The following GATA3 variants were observed in gnomAD, a reference collection of about 807,000 sequenced individuals.
The protein encoded by GATA3 is trans-acting T-cell-specific transcription factor GATA-3.
In GATA3, 6 loss-of-function variants were observed where a neutral mutation model predicts 36.0. That is an observed-to-expected ratio of 0.17 (90% CI 0.09 to 0.33). The LOEUF (loss-of-function observed/expected upper bound fraction) is 0.33, where lower values mean the gene tolerates loss of function less well. GATA3 is among the 10% of genes least tolerant of loss of function. The pLI, the probability that GATA3 is intolerant of heterozygous loss-of-function variation, is 1.00. For synonymous variants in GATA3, 326 were observed against 273.0 expected, an observed-to-expected ratio of 1.19 and a Z score of -1.92; for missense variants, 514 against 610.1, an observed-to-expected ratio of 0.84 and a Z score of 1.66.
In GATA3 at chr10:8,074,425, C is replaced by G. The variant is rs1832982330; in HGVS notation, c.*402C>G. ...AAATAGTGTGGAAATTAAGAAGAAA[C>G]TAGGTCTGATATTCAAATGGACAAA... On this transcript the variant is annotated 3_prime_UTR_variant, in exon 6 of 6. Coordinates refer to ENST00000379328, the MANE Select transcript of GATA3 (RefSeq NM_001002295.2). The G allele has an allele frequency of 4.0e-6, 1 of 251,394 alleles. No individual in the cohort carries two copies. The highest frequency in any genetic ancestry group is 7.6e-6 in the Non-Finnish European group (1 of 131,162). The allele number at this position is 251,394 out of a possible 1,614,324, so 15.6% of individuals were successfully genotyped here.
Position 8,055,403 on chromosome 10 carries a change from C to A in GATA3, c.-253C>A. ...TACAACCTGGTCCCGTTTTATTCTG[C>A]CGTACCCAGTTTTTGGATTTTTGTC... On this transcript the variant is annotated 5_prime_UTR_variant, in exon 2 of 6. Coordinates refer to ENST00000379328, the MANE Select transcript of GATA3 (RefSeq NM_001002295.2). This position sits in a 1 kb window ranked among gnomAD's most constrained non-coding sequence, Gnocchi z 5.4. The A allele has an allele frequency of 1.7e-6, 1 of 575,798 alleles. No individual in the cohort carries two copies. Among genetic ancestry groups the A allele is most frequent in the East Asian group, 2.9e-5 (1 of 34,152 alleles). The allele number at this position is 575,798 out of a possible 1,614,324, so 35.7% of individuals were successfully genotyped here.
intron 1 of GATA3, among the ~76,000 whole-genome samples, chr10:8,046,934 T>G (rs988966872): frequency 7.9e-5 from 12 of 151,958 alleles, no homozygotes; most frequent in African/African-American, 2.7e-4. Context: ...GCTTAGAAAA[T>G]GCGGAGCGGC....
At position 8,074,435 on chromosome 10, in the gene GATA3, T is replaced by C. The variant is rs1380642580; in HGVS notation, c.*412T>C. 18 of 247,190 alleles carry C rather than the reference T, an allele frequency of 7.3e-5. 1 individual carries two copies. Among genetic ancestry groups the C allele is most frequent in the Non-Finnish European group, 9.4e-5 (12 of 128,232 alleles). The allele number at this position is 247,190 out of a possible 1,614,324, so 15.3% of individuals were successfully genotyped here. ...GAAATTAAGAAGAAACTAGGTCTGA[T>C]ATTCAAATGGACAAACTGCCAGTTT... On this transcript the variant is annotated 3_prime_UTR_variant, in exon 6 of 6. Transcript: ENST00000379328.
intron 4 of GATA3, among the ~76,000 whole-genome samples, chr10:8,065,700 G>GTTTTTTT (rs748515966): frequency 2.4e-3 from 149 of 62,236 alleles, no homozygotes; most frequent in East Asian, 3.9e-3. Flanking sequence ...CAGCAGTTTG[G>GTTTTTTT]TTTTTTTTTT....
chr10:8,045,828 C>A (rs142673461), intron 1 of GATA3, among the ~76,000 whole-genome samples: 7 of 152,278 alleles, frequency 4.6e-5, no homozygotes, highest in Admixed American at 6.5e-5. Flanking sequence ...GCCGGAGACA[C>A]GTTTCCCACT....
rs1435459360 is a variant in GATA3, at chr10:8,055,216, G to A, written c.-369-71G>A. 1 of 266,624 alleles carries A rather than the reference G, an allele frequency of 3.8e-6. No homozygotes were observed. Among genetic ancestry groups the A allele is most frequent in the East Asian group, 6.1e-5 (1 of 16,316 alleles). The allele number at this position is 266,624 out of a possible 1,614,324, so 16.5% of individuals were successfully genotyped here. A position where few individuals can be genotyped will look rare whatever the true frequency, so the allele number is the denominator to read the frequency against. ...TCTCGGGTGCGCTGGGCGGGCGGGC[G>A]GCGCGAGGGGAGGTTGTGCCACTCC... is the stretch of plus-strand genomic sequence containing the variant. On this transcript the variant is annotated intron_variant, in intron 1 of 5. Transcript: ENST00000379328. This position sits in a 1 kb window ranked among gnomAD's most constrained non-coding sequence, Gnocchi z 5.4.
At position 8,058,802 on chromosome 10, in the gene GATA3, T is replaced by C. The variant is rs759396617; in HGVS notation, c.739T>C (p.Phe247Leu). ...CCTGCTGGGCGGCTCCCCCACCGGC[T>C]TCGGATGCAAGTCCAGGCCCAAGGC... ...SSLLGGSPTG[F>L]GCKSRPKARS... Residue 247 changes from phenylalanine to leucine, a missense_variant, in exon 3 of 6, where the codon TTC (phenylalanine) becomes CTC (leucine). Coordinates refer to ENST00000379328, the MANE Select transcript of GATA3 (RefSeq NM_001002295.2). The C allele has an allele frequency of 1.2e-6, 2 of 1,607,328 alleles. No individual in the cohort carries two copies. Among genetic ancestry groups the C allele is most frequent in the South Asian group, 2.2e-5 (2 of 91,056 alleles).
intron 5 of GATA3, among the ~76,000 whole-genome samples, chr10:8,072,821 A>G (rs1832951569): frequency 6.6e-6 from 1 of 152,144 alleles, no homozygotes; most frequent in Non-Finnish European, 1.5e-5. Flanking sequence ...ACTTGCAACC[A>G]TTGCAGCTGC....
upstream of GATA3, among the ~76,000 whole-genome samples, chr10:8,054,447 C>A (rs1354851470): frequency 1.3e-5 from 2 of 152,122 alleles, no homozygotes; most frequent in Non-Finnish European, 2.9e-5. This position sits in a 1 kb window ranked among gnomAD's most constrained non-coding sequence, Gnocchi z 4.2. Context: ...GCGGGCCTCG[C>A]CCACCCTGCC....
At chr10:8,070,830 A>T (rs534160931) in intron 5 of GATA3, among the ~76,000 whole-genome samples, 3 of 152,294 alleles carry the variant, frequency 2.0e-5, no homozygotes, top group Non-Finnish European at 2.9e-5. Flanking sequence ...GCAGTGAATG[A>T]AACTAGAGTC....
intron 3 of GATA3, among the ~76,000 whole-genome samples, chr10:8,060,022 C>T (rs1469366861): frequency 6.6e-6 from 1 of 152,166 alleles, no homozygotes; most frequent in Non-Finnish European, 1.5e-5. Flanking sequence ...GCCTTGAAAC[C>T]GAGCTCCCAA....
chr10:8,069,029 T>C (rs1186691703), intron 4 of GATA3, among the ~76,000 whole-genome samples: 2 of 152,228 alleles, frequency 1.3e-5, no homozygotes, highest in Non-Finnish European at 2.9e-5. Context: ...AGGATGGATA[T>C]TCTTGGGAGT....
intron 4 of GATA3, among the ~76,000 whole-genome samples, chr10:8,065,984 G>T (rs868666776): frequency 2.9e-5 from 4 of 139,064 alleles, no homozygotes; most frequent in Admixed American, 1.4e-4. Flanking sequence ...AAAAAAAAGA[G>T]AGAGAGAGAG....
chr10:8,048,633 A>G (rs566856316), upstream of GATA3, among the ~76,000 whole-genome samples: 2 of 152,240 alleles, frequency 1.3e-5, no homozygotes, highest in East Asian at 3.9e-4. Context: ...TGCCAAGGCC[A>G]GGAGGGAGGG....
At chr10:8,064,288 TCTTTCTTTCTTTTCTTCTTCTTC>T (rs1832797403) in intron 4 of GATA3, 150 bp downstream of exon 4, 2 of 182,382 alleles carry the variant, frequency 1.1e-5, no homozygotes, top group Non-Finnish European at 9.0e-6. Context: ...TTTTCCTTTT[TCTTTCTTTCTTTTCTTCTTCTTC>T]TTTTTTTTTT....
Position 8,055,871 on chromosome 10 carries a change from G to A in GATA3, c.216G>A (p.Val72=), listed in dbSNP as rs560531559. The change falls in exon 2 of 6, where the codon GTG becomes GTA. Residue 72 remains valine, a synonymous_variant. Coordinates refer to ENST00000379328, the MANE Select transcript of GATA3 (RefSeq NM_001002295.2). This position sits in a 1 kb window ranked among gnomAD's most constrained non-coding sequence, Gnocchi z 5.4. The stretch of plus-strand genomic sequence containing the variant: ...ACGGAAACTCGGTCAGGGCCACGGT[G>A]CAGAGGTACCCTCCGACCCACCACG... ...PYYGNSVRAT[V]QRYPPTHHGS... 6.4e-7 allele frequency: 1 copy of A among 1,568,256 alleles called. No homozygotes were observed. Among genetic ancestry groups the A allele is most frequent in the East Asian group, 2.4e-5 (1 of 42,112 alleles).
chr10:8,054,396 G>T (rs892362527), upstream of GATA3, among the ~76,000 whole-genome samples: 1 of 152,192 alleles, frequency 6.6e-6, no homozygotes, highest in Non-Finnish European at 1.5e-5. The surrounding 1 kb of genome is among the most constrained non-coding windows in gnomAD (Gnocchi z 4.2). Flanking sequence ...CACATTTAAA[G>T]GGCCAGAGCG....
upstream of GATA3, among the ~76,000 whole-genome samples, chr10:8,049,676 C>T (rs1032239301): frequency 2.0e-5 from 3 of 152,190 alleles, no homozygotes; most frequent in South Asian, 4.1e-4. Context: ...GTGCTATAGT[C>T]CTATCCAGTA....
intron 5 of GATA3, among the ~76,000 whole-genome samples, chr10:8,071,490 C>T (rs1564404344): frequency 6.6e-6 from 1 of 151,906 alleles, no homozygotes; most frequent in East Asian, 1.9e-4. Flanking sequence ...TGTCTGATCA[C>T]ATATATATAT....
Sources: gnomAD v4.1 joint callset for allele counts (sites outside exome capture counted in the v4.1 genomes callset) on GRCh38, gnomAD v4.1.1 for gene constraint, Gnocchi (gnomAD v3.1) non-coding constraint, MANE v1.5 for transcripts, NCBI Gene and HGNC (gene_info 2026-07-23, HGNC 2026-07-21) for gene names.